NECAB1: variants seen among roughly 807,000 people sequenced by gnomAD.
NECAB1 encodes the protein N-terminal EF-hand calcium binding protein 1, also known as N-terminal EF-hand calcium-binding protein 1.
In NECAB1, 29 loss-of-function variants were observed where a neutral mutation model predicts 57.5. The ratio of observed to expected loss-of-function variants is 0.50; its 90% CI spans 0.38 to 0.69. The LOEUF (loss-of-function observed/expected upper bound fraction) is 0.69, where lower values mean the gene tolerates loss of function less well. Among genes scored for constraint, NECAB1 ranks in the 30% least tolerant of loss-of-function variants. NECAB1 has a pLI of 0.00. For synonymous variants in NECAB1, 142 were observed against 147.7 expected, an observed-to-expected ratio of 0.96 and a Z score of 0.28; for missense variants, 372 against 413.8, an observed-to-expected ratio of 0.90 and a Z score of 0.88.
intron 5 of NECAB1, among the ~76,000 whole-genome samples, chr8:90,907,490 A>G (rs1809718188): frequency 6.6e-6 from 1 of 152,226 alleles, no homozygotes; most frequent in Non-Finnish European, 1.5e-5. Flanking sequence ...CAGACAGATC[A>G]TCCACACCCC....
At chr8:90,888,342 C>G (rs1809061466) in intron 5 of NECAB1, among the ~76,000 whole-genome samples, 1 of 152,112 alleles carries the variant, frequency 6.6e-6, no homozygotes, top group Non-Finnish European at 1.5e-5. Context: ...ACATACAGCC[C>G]CATTTCTGAA....
At chr8:90,864,810 T>C (rs1350290922) in intron 3 of NECAB1, among the ~76,000 whole-genome samples, 1 of 152,148 alleles carries the variant, frequency 6.6e-6, no homozygotes, top group Non-Finnish European at 1.5e-5. Context: ...TATGTCATCT[T>C]ACCTTAGCCA....
intron 6 of NECAB1, among the ~76,000 whole-genome samples, chr8:90,923,788 AAATT>A (rs1371034579): frequency 6.6e-6 from 1 of 152,208 alleles, no homozygotes; most frequent in East Asian, 1.9e-4. Flanking sequence ...ATGATTGCAA[AAATT>A]ACATTCTCTG....
At chr8:90,817,342 C>A (rs952772310) in intron 2 of NECAB1, among the ~76,000 whole-genome samples, 5 of 151,602 alleles carry the variant, frequency 3.3e-5, no homozygotes, top group Admixed American at 3.3e-4. Flanking sequence ...GGTAGGACTT[C>A]CTATATATTA....
intron 10 of NECAB1, among the ~76,000 whole-genome samples, chr8:90,946,073 T>C (rs1048004505): frequency 1.3e-5 from 2 of 152,248 alleles, no homozygotes; most frequent in African/African-American, 4.8e-5. Flanking sequence ...AATTGGACTT[T>C]TCTTGCTGTC....
intron 9 of NECAB1, among the ~76,000 whole-genome samples, chr8:90,939,153 G>C (rs1025552575): frequency 6.6e-6 from 1 of 152,218 alleles, no homozygotes; most frequent in Non-Finnish European, 1.5e-5. Flanking sequence ...AGCTGCAAAA[G>C]GAGCCATGTG....
intron 9 of NECAB1, among the ~76,000 whole-genome samples, 175 bp downstream of exon 9, chr8:90,934,532 C>T (rs1476134377): frequency 6.6e-6 from 1 of 152,070 alleles, no homozygotes; most frequent in Non-Finnish European, 1.5e-5. Flanking sequence ...CTAATACCTA[C>T]TTCACAGTTT....
intron 5 of NECAB1, among the ~76,000 whole-genome samples, chr8:90,913,755 C>A (rs1384677688): frequency 6.6e-6 from 1 of 152,180 alleles, no homozygotes; most frequent in South Asian, 2.1e-4. Flanking sequence ...TTTGCCACTG[C>A]CTTCCAAAGG....
chr8:90,940,688 ATC>A (rs1202654229), intron 9 of NECAB1, 96 bp from the exon 10 acceptor site: 2 of 831,410 alleles, frequency 2.4e-6, no homozygotes, highest in African/African-American at 1.7e-5. Context: ...GATGACAATC[ATC>A]TGTTTTTGTG....
At chr8:90,930,163 G>C (rs192285314) in intron 8 of NECAB1, among the ~76,000 whole-genome samples, 9 of 152,274 alleles carry the variant, frequency 5.9e-5, no homozygotes, top group African/African-American at 2.2e-4. Flanking sequence ...GCATTGAAGA[G>C]GAGGTTTGTG....
intron 10 of NECAB1, among the ~76,000 whole-genome samples, chr8:90,947,970 A>G (rs1283205966): frequency 1.3e-5 from 2 of 152,210 alleles, no homozygotes; most frequent in African/African-American, 4.8e-5. Context: ...AAATAGCAGG[A>G]TAAGTAGGAT....
intron 10 of NECAB1, among the ~76,000 whole-genome samples, chr8:90,945,605 G>T (rs1299522366): frequency 4.6e-5 from 7 of 152,182 alleles, no homozygotes; most frequent in African/African-American, 1.7e-4. Flanking sequence ...CACTGGTTAG[G>T]CCTTGCTTGT....
chr8:90,914,609 C>T (rs1809907556), intron 5 of NECAB1, among the ~76,000 whole-genome samples: 1 of 152,156 alleles, frequency 6.6e-6, no homozygotes. Context: ...GGTTCTGCCA[C>T]TTTTCAATGT....
chr8:90,845,165 TA>T (rs1812532345), intron 3 of NECAB1, among the ~76,000 whole-genome samples: 1 of 152,172 alleles, frequency 6.6e-6, no homozygotes, highest in Non-Finnish European at 1.5e-5. Context: ...TCCTTTGATT[TA>T]AATATTTACC....
At chr8:90,799,157 T>C (rs564894114) in intron 1 of NECAB1, among the ~76,000 whole-genome samples, 1 of 152,184 alleles carries the variant, frequency 6.6e-6, no homozygotes, top group African/African-American at 2.4e-5. Context: ...GGTTCTTTTT[T>C]GTTTTTTGAA....
intron 2 of NECAB1, chr8:90,813,292 TGAAAC>T (rs1811999987): frequency 6.6e-6 from 1 of 150,390 alleles, no homozygotes; most frequent in East Asian, 1.9e-4. Context: ...CAGTGACACA[TGAAAC>T]GAATTTCATT....
intron 12 of NECAB1, among the ~76,000 whole-genome samples, chr8:90,951,571 T>C (rs1182636571): frequency 6.6e-6 from 1 of 152,180 alleles, no homozygotes; most frequent in Non-Finnish European, 1.5e-5. Flanking sequence ...ACTGATTAAA[T>C]ATATATTTAC....
intron 12 of NECAB1, among the ~76,000 whole-genome samples, chr8:90,955,115 TATA>T (rs1563548991): frequency 2.8e-3 from 197 of 69,598 alleles, no homozygotes; most frequent in Admixed American, 6.0e-3. Context: ...ATATAAATTA[TATA>T]TATATATATA....
chr8:90,807,654 A>G (rs1811874023), intron 2 of NECAB1, among the ~76,000 whole-genome samples: 1 of 152,202 alleles, frequency 6.6e-6, no homozygotes, highest in Non-Finnish European at 1.5e-5. Context: ...GAAATGAGGG[A>G]CATTGACATA....
Sources: allele counts gnomAD v4.1 joint callset (sites outside exome capture counted in the v4.1 genomes callset), GRCh38; gene constraint gnomAD v4.1.1; transcripts MANE v1.5; gene names NCBI Gene and HGNC (gene_info 2026-07-23, HGNC 2026-07-21).